CLASRP: variants seen among roughly 807,000 people sequenced by gnomAD.
CLASRP encodes the protein CLK4-associating serine/arginine rich protein.
CLASRP carries 52 observed loss-of-function variants against 99.9 expected under a neutral mutation model. The ratio of observed to expected loss-of-function variants is 0.52; its 90% CI spans 0.42 to 0.66. The LOEUF (loss-of-function observed/expected upper bound fraction) is 0.66. CLASRP is among the 30% of genes least tolerant of loss of function. The probability of loss-of-function intolerance (pLI) is 0.00; values close to 1 mark genes in which losing one functional copy is unlikely to be tolerated. For missense variants in CLASRP, 848 were observed against 999.2 expected (o/e 0.85, Z 2.04); for synonymous variants, 379 against 373.0 (o/e 1.02, Z -0.18).
intron 1 of CLASRP, chr19:45,039,425 T>G (rs1218634168): frequency 6.7e-6 from 1 of 149,732 alleles, no homozygotes; most frequent in East Asian, 1.9e-4. Context: ...ACAAGCCCCG[T>G]CCAAACCTTC....
rs1311962780 is a variant in CLASRP at position 45,064,387 on chromosome 19, C to CCTCCAGCTCCCGCTCCAGCTCTCG, written c.1182_1205dup (p.Ser395_Ser402dup). On this transcript the variant is annotated inframe_insertion, in exon 13 of 21. Transcript: ENST00000221455. The stretch of plus-strand genomic sequence containing the variant: ...TCCTCCTCCTCTTCTGCCTCGAGGA[C>CCTCCAGCTCCCGCTCCAGCTCTCG]CTCCAGCTCCCGCTCCAGCTCTCGC... 3 of 1,531,118 alleles carry CCTCCAGCTCCCGCTCCAGCTCTCG rather than the reference C, an allele frequency of 2.0e-6. No homozygotes were observed. The highest frequency in any genetic ancestry group is 2.5e-5 in the East Asian group (1 of 40,772). 94.8% of individuals were successfully genotyped at this position (1,531,118 alleles called of 1,614,324 possible).
chr19:45,067,544 G>A lies in CLASRP; in HGVS notation c.1617G>A (p.Glu539=), dbSNP rs543648269. 2.6e-4 allele frequency: 420 copies of A among 1,605,362 alleles called. No individual in the cohort carries two copies. The highest frequency in any genetic ancestry group is 3.5e-4 in the Non-Finnish European group (411 of 1,178,880). ...GCCCCTCGCCATCACCCGCAAGAGA[G>A]AAGCTGACCAGGCCGGCCGCGTCCC... The part of the protein sequence containing the change: ...SQSPSPSPAR[E]KLTRPAASPA... Residue 539 remains glutamate, a synonymous_variant, in exon 14 of 21, where the codon GAG becomes GAA. Transcript: ENST00000221455. This position sits in a 1 kb window ranked among gnomAD's most constrained non-coding sequence, Gnocchi z 4.9.
In CLASRP at chr19:45,070,062, C is replaced by CGCCAGTACA; in HGVS notation, c.1919_1927dup (p.Gln640_Ser642dup). On this transcript the variant is annotated inframe_insertion, in exon 19 of 21. Coordinates refer to ENST00000221455, the MANE Select transcript of CLASRP (RefSeq NM_007056.3). ...AGAGAAGGAGAGAGAAGAGTGGGAA[C>CGCCAGTACA]GCCAGTACAGCCGGCAGAGCCGCTC... 6.2e-7 allele frequency: 1 copy of CGCCAGTACA among 1,609,740 alleles called. No individual in the cohort carries two copies. The highest frequency in any genetic ancestry group is 8.5e-7 in the Non-Finnish European group (1 of 1,176,046).
chr19:45,063,654 T>C (rs1966994669), intron 11 of CLASRP, among the ~76,000 whole-genome samples: 1 of 151,924 alleles, frequency 6.6e-6, no homozygotes, highest in South Asian at 2.1e-4. Context: ...TTTGCCTTGT[T>C]GGCCAGGCTG....
chr19:45,067,620 A>G lies in CLASRP; in HGVS notation c.1667+26A>G. 6.4e-7 allele frequency: 1 copy of G among 1,561,274 alleles called. No individual in the cohort carries two copies. The highest frequency in any genetic ancestry group is 1.8e-5 in the Admixed American group (1 of 55,164). On this transcript the variant is annotated intron_variant, in intron 14 of 20. Transcript: ENST00000221455. This position sits in a 1 kb window ranked among gnomAD's most constrained non-coding sequence, Gnocchi z 4.9. ...GTGAGCGGGGCGGGTCTGGAGGAAG[A>G]GGGCTGCCAATCTCGGGTGGGGAGG...
rs1967175657 is a variant in CLASRP, at chr19:45,069,216, G to A, written c.1842G>A (p.Glu614=). The change falls in exon 18 of 21, where the codon GAG becomes GAA. Residue 614 remains glutamate, a synonymous_variant. Transcript: ENST00000221455. Reference sequence around the variant, plus strand: ...GTCTGCTGCAGGAGCGGGAAGACGAGCTTCGAGCCATGGCCCGCAAGATCC... The same window carrying A: ...GTCTGCTGCAGGAGCGGGAAGACGAACTTCGAGCCATGGCCCGCAAGATCC... ...QEHERQERED[E]LRAMARKIRM... 11 of 1,613,942 alleles carry A rather than the reference G, an allele frequency of 6.8e-6. No homozygotes were observed. The highest frequency in any genetic ancestry group is 9.3e-6 in the Non-Finnish European group (11 of 1,180,016).
At chr19:45,053,248 G>A in intron 5 of CLASRP, 71 bp downstream of exon 5, 1 of 1,512,292 alleles carries the variant, frequency 6.6e-7, no homozygotes, top group South Asian at 1.1e-5. Flanking sequence ...GATAGGTTTG[G>A]GAAGAAAAGT....
chr19:45,050,696 GT>G, intron 2 of CLASRP, among the ~76,000 whole-genome samples: 1 of 150,868 alleles, frequency 6.6e-6, no homozygotes, highest in African/African-American at 2.5e-5. Context: ...CACTACTTGT[GT>G]TTTGTTTTGT....
intron 3 of CLASRP, 99 bp downstream of exon 3, chr19:45,052,267 G>T: frequency 1.1e-6 from 1 of 929,760 alleles, no homozygotes; most frequent in South Asian, 1.4e-5. Flanking sequence ...AGTATGGACA[G>T]ACCTTTGGGG....
chr19:45,057,962 T>C (rs1600105444), intron 7 of CLASRP, 64 bp downstream of exon 7: 1 of 1,594,394 alleles, frequency 6.3e-7, no homozygotes, highest in East Asian at 2.2e-5. Context: ...GTCTCGTCCC[T>C]CACCCTCTGT....
chr19:45,068,249 G>C (rs1342639751), intron 15 of CLASRP, 171 bp from the exon 16 acceptor site: 4 of 661,080 alleles, frequency 6.1e-6, no homozygotes, highest in Non-Finnish European at 1.1e-5. Flanking sequence ...GGCTCCACCT[G>C]TCACTGAACC....
Position 45,067,369 on chromosome 19 carries a change from G to A in CLASRP, c.1442G>A (p.Arg481Gln), listed in dbSNP as rs762127984. 183 of 1,526,416 alleles carry A rather than the reference G, an allele frequency of 1.2e-4. No individual in the cohort carries two copies. Among genetic ancestry groups the A allele is most frequent in the Middle Eastern group, 2.3e-4 (1 of 4,412 alleles). The allele number at this position is 1,526,416 out of a possible 1,614,324, so 94.6% of individuals were successfully genotyped here. ...TCCCACTCAGGGGACCGCTACAGGC[G>A]GGGCGGCCGGGGCCTCAGGCACCAC... ...SRSHSGDRYR[R>Q]GGRGLRHHSS... Residue 481 changes from arginine to glutamine, a missense_variant, in exon 14 of 21, where the codon CGG (arginine) becomes CAG (glutamine). By Grantham distance (43) the Arg-to-Gln change is conservative. Coordinates refer to ENST00000221455, the MANE Select transcript of CLASRP (RefSeq NM_007056.3). The surrounding 1 kb of genome is among the most constrained non-coding windows in gnomAD (Gnocchi z 4.9).
At chr19:45,045,315 A>C (rs1392745046) in intron 2 of CLASRP, among the ~76,000 whole-genome samples, 11 of 152,240 alleles carry the variant, frequency 7.2e-5, no homozygotes, top group Non-Finnish European at 1.0e-4. Context: ...CAGGAGTTCG[A>C]GAACAGCCTG....
At chr19:45,050,250 G>A (rs931332556) in intron 2 of CLASRP, among the ~76,000 whole-genome samples, 6 of 151,974 alleles carry the variant, frequency 3.9e-5, no homozygotes, top group African/African-American at 1.4e-4. Flanking sequence ...AAATCTCCTG[G>A]AGGCAGAGCC....
At chr19:45,042,527 A>ATATATG (rs202206503) in intron 2 of CLASRP, among the ~76,000 whole-genome samples, 44 of 151,660 alleles carry the variant, frequency 2.9e-4, no homozygotes, top group African/African-American at 9.7e-4. Context: ...ATATATATAT[A>ATATATG]TGTGTGTGTA....
At chr19:45,063,436 C>CGTTTTTTTTTTTT (rs1966986532) in intron 11 of CLASRP, among the ~76,000 whole-genome samples, 1 of 42,348 alleles carries the variant, frequency 2.4e-5, no homozygotes, top group Non-Finnish European at 4.6e-5. Context: ...ATCTGCTTAT[C>CGTTTTTTTTTTTT]TTTTTTTTTT....
intron 2 of CLASRP, among the ~76,000 whole-genome samples, chr19:45,051,839 G>A (rs1452314744): frequency 1.3e-5 from 2 of 152,046 alleles, no homozygotes; most frequent in Non-Finnish European, 2.9e-5. Context: ...ATGGTGGCGG[G>A]CGCCTGTAGT....
At chr19:45,063,480 C>T (rs1029546830) in intron 11 of CLASRP, among the ~76,000 whole-genome samples, 2 of 71,034 alleles carry the variant, frequency 2.8e-5, no homozygotes, top group Non-Finnish European at 6.0e-5. Context: ...GAGTCTCACT[C>T]TGTTGCCCAA....
At chr19:45,046,458 A>G (rs544740175) in intron 2 of CLASRP, among the ~76,000 whole-genome samples, 61 of 152,322 alleles carry the variant, frequency 4.0e-4, no homozygotes, top group African/African-American at 1.3e-3. Flanking sequence ...CGCCTCCTCC[A>G]GGAAGCTCCA....
Sources: allele counts gnomAD v4.1 joint callset (sites outside exome capture counted in the v4.1 genomes callset), GRCh38; gene constraint gnomAD v4.1.1; non-coding constraint Gnocchi (gnomAD v3.1); transcripts MANE v1.5; gene names NCBI Gene and HGNC (gene_info 2026-07-23, HGNC 2026-07-21).